Variants in GRIK4 observed in about 807,000 individuals in gnomAD.
The protein encoded by GRIK4 is glutamate receptor ionotropic, kainate 4.
GRIK4 carries 40 observed loss-of-function variants against 104.9 expected under a neutral mutation model. That is an observed-to-expected ratio of 0.38 (90% confidence interval 0.30 to 0.50). The LOEUF is 0.50. GRIK4 is among the 20% of genes least tolerant of loss of function. The probability of loss-of-function intolerance (pLI) is 0.93; values close to 1 mark genes in which losing one functional copy is unlikely to be tolerated. For synonymous variants in GRIK4, 485 were observed against 524.9 expected (o/e 0.92, Z 1.04); for missense variants, 1,047 against 1,308.1 (o/e 0.80, Z 3.08).
intron 14 of GRIK4, among the ~76,000 whole-genome samples, chr11:120,941,197 T>C (rs1943715248): frequency 6.6e-6 from 1 of 152,214 alleles, no homozygotes; most frequent in Non-Finnish European, 1.5e-5. Context: ...CTTCCTTTCC[T>C]CTTGTCAGCT....
chr11:120,569,064 G>T (rs753787154), intron 1 of GRIK4, among the ~76,000 whole-genome samples: 9 of 152,222 alleles, frequency 5.9e-5, no homozygotes, highest in Non-Finnish European at 1.0e-4. Flanking sequence ...AGGAGCATTA[G>T]TGAGCGATTT....
chr11:120,882,544 G>C (rs938960777), intron 11 of GRIK4, among the ~76,000 whole-genome samples: 4 of 152,208 alleles, frequency 2.6e-5, no homozygotes, highest in Non-Finnish European at 5.9e-5. Flanking sequence ...GATCCGGGTG[G>C]AGGGAGCAGA....
chr11:120,943,456 G>C (rs1943777788), intron 14 of GRIK4, among the ~76,000 whole-genome samples: 1 of 152,152 alleles, frequency 6.6e-6, no homozygotes, highest in Non-Finnish European at 1.5e-5. Flanking sequence ...GATGAACGTT[G>C]TTATGTCTGA....
chr11:120,924,058 C>G (rs1413345482), intron 13 of GRIK4, among the ~76,000 whole-genome samples: 1 of 152,190 alleles, frequency 6.6e-6, no homozygotes, highest in Non-Finnish European at 1.5e-5. Context: ...CTGGGCTTTG[C>G]CTGGTGTTCG....
intron 3 of GRIK4, among the ~76,000 whole-genome samples, chr11:120,771,537 G>A (rs1951942193): frequency 6.6e-6 from 1 of 152,202 alleles, no homozygotes; most frequent in Non-Finnish European, 1.5e-5. Context: ...ACAATCAAAG[G>A]GAAAGGAGAA....
intron 6 of GRIK4, among the ~76,000 whole-genome samples, chr11:120,830,435 C>G (rs751759952): frequency 6.6e-6 from 1 of 152,130 alleles, no homozygotes; most frequent in Non-Finnish European, 1.5e-5. Context: ...ATCTGCAATG[C>G]GAGGAGGTGG....
At position 120,707,728 on chromosome 11, in the gene GRIK4, A is replaced by G. The variant is rs140333120; in HGVS notation, c.82+47328A>G. ...AATGGGCAGCTAGACAGGGAGCTGGAGGACCCAAGATGGCACAGTTACATG... is the reference window on the plus strand; with the variant it reads ...AATGGGCAGCTAGACAGGGAGCTGGGGGACCCAAGATGGCACAGTTACATG... On this transcript the variant is annotated intron_variant, in intron 3 of 20. Transcript: ENST00000527524. Among the ~76,000 whole-genome samples the G allele has an allele frequency of 2.2e-3, 328 of 152,308 alleles. 1 individual carries two copies. The highest frequency in any genetic ancestry group is 3.4e-3 in the Middle Eastern group (1 of 294).
At chr11:120,870,976 A>T (rs1954594011) in intron 9 of GRIK4, 1 of 152,470 alleles carries the variant, frequency 6.6e-6, no homozygotes. Flanking sequence ...CGAACCTCTG[A>T]CCTCAAAGTG....
chr11:120,787,078 G>A lies in GRIK4; in HGVS notation c.83-15615G>A, dbSNP rs556422251. On this transcript the variant is annotated intron_variant, in intron 3 of 20. Coordinates refer to ENST00000527524, the MANE Select transcript of GRIK4 (RefSeq NM_014619.5). ...CACGCCTGTCATCCCAGCACTTTGGGAGGCCGAGGCGGGAGGATTGCTTGA... is the reference window on the plus strand; with the variant it reads ...CACGCCTGTCATCCCAGCACTTTGGAAGGCCGAGGCGGGAGGATTGCTTGA... Among the ~76,000 whole-genome samples the A allele has an allele frequency of 2.6e-5, 4 of 152,328 alleles. No homozygotes were observed. The East Asian group carries it at 7.7e-4, about 29-fold the overall frequency.
chr11:120,643,051 AC>A (rs2058582497), intron 1 of GRIK4, among the ~76,000 whole-genome samples: 1 of 152,126 alleles, frequency 6.6e-6, no homozygotes, highest in African/African-American at 2.4e-5. Flanking sequence ...TTTACTGAGC[AC>A]CCACTATGTA....
chr11:120,850,052 CAAG>C (rs1953939981), intron 8 of GRIK4, among the ~76,000 whole-genome samples: 1 of 152,212 alleles, frequency 6.6e-6, no homozygotes, highest in South Asian at 2.1e-4. Context: ...AGCCTAGCCT[CAAG>C]AGACCATTCT....
chr11:120,582,302 G>A (rs1012146685), intron 1 of GRIK4, among the ~76,000 whole-genome samples: 16 of 149,936 alleles, frequency 1.1e-4, no homozygotes, highest in Non-Finnish European at 2.1e-4. Context: ...ATGTATATAT[G>A]TGTATATATA....
chr11:120,558,189 C>T (rs563098013), intron 1 of GRIK4, among the ~76,000 whole-genome samples: 3 of 152,258 alleles, frequency 2.0e-5, no homozygotes, highest in African/African-American at 7.2e-5. Context: ...GAAATAATAT[C>T]TACTTGAGAG....
At chr11:120,842,975 T>A (rs1007431092) in intron 8 of GRIK4, among the ~76,000 whole-genome samples, 18 of 152,354 alleles carry the variant, frequency 1.2e-4, no homozygotes, top group Admixed American at 1.0e-3. Context: ...AGTCACTGCC[T>A]AACAGAAAAG....
chr11:120,634,652 C>G (rs1015752881), intron 1 of GRIK4, among the ~76,000 whole-genome samples: 16 of 152,184 alleles, frequency 1.1e-4, no homozygotes, highest in Non-Finnish European at 2.2e-4. Context: ...ACTTGTTGCT[C>G]TGTCTGGAAA....
At chr11:120,772,156 A>G (rs927228507) in intron 3 of GRIK4, among the ~76,000 whole-genome samples, 1 of 152,268 alleles carries the variant, frequency 6.6e-6, no homozygotes, top group African/African-American at 2.4e-5. Context: ...TAACAGGTCT[A>G]GCGGCCAGAG....
At chr11:120,737,253 T>C (rs1448956094) in intron 3 of GRIK4, among the ~76,000 whole-genome samples, 1 of 152,180 alleles carries the variant, frequency 6.6e-6, no homozygotes, top group Non-Finnish European at 1.5e-5. Context: ...AACCAAATAA[T>C]AAATGAGGGG....
At chr11:120,962,002 G>A (rs1044237751) in intron 17 of GRIK4, among the ~76,000 whole-genome samples, 2 of 152,148 alleles carry the variant, frequency 1.3e-5, no homozygotes, top group South Asian at 4.1e-4. Context: ...GGTTTAGGGT[G>A]GATGGAAAAT....
chr11:120,696,411 G>T (rs1005321490), intron 3 of GRIK4, among the ~76,000 whole-genome samples: 1 of 151,612 alleles, frequency 6.6e-6, no homozygotes, highest in South Asian at 2.1e-4. Context: ...AGCCTTTCCG[G>T]GAGAGCTTCC....
Sources: allele counts gnomAD v4.1 joint callset (sites outside exome capture counted in the v4.1 genomes callset), GRCh38; gene constraint gnomAD v4.1.1; transcripts MANE v1.5; gene names NCBI Gene and HGNC (gene_info 2026-07-23, HGNC 2026-07-21).